The following CFAP299 variants were observed in gnomAD, a reference collection of about 807,000 sequenced individuals.
CFAP299 encodes the protein cilia and flagella associated protein 299.
Under a neutral mutation model 27.0 loss-of-function variants are expected in CFAP299, and 21 were observed. That is an observed-to-expected ratio of 0.78 (90% CI 0.55 to 1.12). The LOEUF (loss-of-function observed/expected upper bound fraction) is 1.12. Among genes scored for constraint, CFAP299 ranks in the 50% most tolerant of loss-of-function variants. The probability of loss-of-function intolerance (pLI) is 0.00; values close to 1 mark genes in which losing one functional copy is unlikely to be tolerated. For synonymous variants in CFAP299, 104 were observed against 98.1 expected, an observed-to-expected ratio of 1.06 and a Z score of -0.36; for missense variants, 310 against 276.6, an observed-to-expected ratio of 1.12 and a Z score of -0.86.
chr4:80,826,056 G>C (rs1285448316), intron 3 of CFAP299, among the ~76,000 whole-genome samples: 2 of 151,824 alleles, frequency 1.3e-5, no homozygotes, highest in Non-Finnish European at 2.9e-5. Context: ...CATGTATAAA[G>C]GTGTAATGTT....
At chr4:80,533,443 C>G (rs968762393) in intron 2 of CFAP299, among the ~76,000 whole-genome samples, 1 of 152,162 alleles carries the variant, frequency 6.6e-6, no homozygotes, top group Non-Finnish European at 1.5e-5. Context: ...TTTGACTCCT[C>G]TAGCTAGAAA....
At chr4:80,672,135 TG>T (rs1443484796) in intron 3 of CFAP299, among the ~76,000 whole-genome samples, 1 of 152,204 alleles carries the variant, frequency 6.6e-6, no homozygotes, top group Non-Finnish European at 1.5e-5. Flanking sequence ...ATATTGGCTG[TG>T]GGTCTCTCAT....
chr4:80,705,901 G>A (rs1721791422), intron 3 of CFAP299, among the ~76,000 whole-genome samples: 1 of 151,760 alleles, frequency 6.6e-6, no homozygotes. Context: ...CACTATGATT[G>A]TTAACAGTAA....
intron 2 of CFAP299, chr4:80,386,733 G>A: frequency 2.6e-6 from 4 of 1,544,824 alleles, no homozygotes; most frequent in Non-Finnish European, 3.6e-6. Flanking sequence ...ATGCCGGAGT[G>A]GGAGAGGACA....
chr4:80,627,359 G>T (rs1738964073), intron 3 of CFAP299, among the ~76,000 whole-genome samples: 1 of 151,924 alleles, frequency 6.6e-6, no homozygotes, highest in Non-Finnish European at 1.5e-5. Flanking sequence ...CACAATTGAA[G>T]CTATATATGA....
chr4:80,889,093 G>A (rs1734117447), intron 4 of CFAP299, among the ~76,000 whole-genome samples: 2 of 145,792 alleles, frequency 1.4e-5, no homozygotes, highest in South Asian at 4.3e-4. Context: ...AAGAACAAGA[G>A]CAAACAAAAC....
At chr4:80,341,763 T>C (rs1722469206) in intron 1 of CFAP299, among the ~76,000 whole-genome samples, 1 of 152,206 alleles carries the variant, frequency 6.6e-6, no homozygotes, top group African/African-American at 2.4e-5. Context: ...AGTGCCTTCT[T>C]TTCCTCCAAA....
intron 3 of CFAP299, among the ~76,000 whole-genome samples, chr4:80,686,133 A>G (rs903902184): frequency 6.6e-6 from 1 of 152,186 alleles, no homozygotes; most frequent in African/African-American, 2.4e-5. Context: ...CTTTAATGAA[A>G]AAAAAAAATT....
At chr4:80,958,330 C>T (rs1020697338) in intron 5 of CFAP299, among the ~76,000 whole-genome samples, 1 of 152,120 alleles carries the variant, frequency 6.6e-6, no homozygotes, top group Non-Finnish European at 1.5e-5. Context: ...TGTTTTCAAA[C>T]ATGACATTAC....
intron 1 of CFAP299, among the ~76,000 whole-genome samples, chr4:80,349,319 A>T (rs1464881658): frequency 2.6e-5 from 4 of 152,228 alleles, no homozygotes; most frequent in African/African-American, 9.6e-5. Context: ...AAGTAAAATT[A>T]TGGGAAATGA....
chr4:80,429,638 A>G (rs1255033268), intron 2 of CFAP299, among the ~76,000 whole-genome samples: 1 of 152,166 alleles, frequency 6.6e-6, no homozygotes, highest in Non-Finnish European at 1.5e-5. Flanking sequence ...ATTTGATATT[A>G]AGAACATGAG....
chr4:80,369,380 C>T (rs1416297230), intron 2 of CFAP299, among the ~76,000 whole-genome samples: 1 of 152,160 alleles, frequency 6.6e-6, no homozygotes, highest in Non-Finnish European at 1.5e-5. Context: ...TCTTCCTCTT[C>T]CACTATCCAT....
chr4:80,888,913 T>C (rs1734103431), intron 4 of CFAP299, among the ~76,000 whole-genome samples: 1 of 150,530 alleles, frequency 6.6e-6, no homozygotes, highest in African/African-American at 2.4e-5. Context: ...TTGAAAATTT[T>C]CTTGAAACAA....
intron 3 of CFAP299, among the ~76,000 whole-genome samples, chr4:80,666,777 A>G (rs941768216): frequency 1.3e-5 from 2 of 152,224 alleles, no homozygotes; most frequent in Non-Finnish European, 2.9e-5. Context: ...TAGGGAAAAA[A>G]GCAGTAGTCA....
At chr4:80,709,152 T>C (rs984980197) in intron 3 of CFAP299, among the ~76,000 whole-genome samples, 1 of 152,208 alleles carries the variant, frequency 6.6e-6, no homozygotes, top group African/African-American at 2.4e-5. Flanking sequence ...CCTTTTATGA[T>C]AAGGTTTTAG....
At chr4:80,810,791 G>A (rs538674727) in intron 3 of CFAP299, among the ~76,000 whole-genome samples, 73 of 152,158 alleles carry the variant, frequency 4.8e-4, no homozygotes, top group Non-Finnish European at 9.4e-4. Context: ...CTCAGGAAAC[G>A]AATATGTGAG....
intron 2 of CFAP299, among the ~76,000 whole-genome samples, chr4:80,488,611 C>T (rs60770229): frequency 6.6e-6 from 1 of 151,924 alleles, no homozygotes; most frequent in South Asian, 2.1e-4. Context: ...GTAGCTGGGA[C>T]TAAAGGCACC....
intron 2 of CFAP299, among the ~76,000 whole-genome samples, chr4:80,455,225 T>A (rs1017893491): frequency 2.6e-5 from 4 of 152,186 alleles, no homozygotes; most frequent in Non-Finnish European, 4.4e-5. Flanking sequence ...AGGGCTCTTA[T>A]CATTTTTGTT....
chr4:80,683,407 T>G (rs1184019366), intron 3 of CFAP299, among the ~76,000 whole-genome samples: 1 of 152,234 alleles, frequency 6.6e-6, no homozygotes, highest in African/African-American at 2.4e-5. Context: ...TTATTTAATC[T>G]AATATTTTCT....
Sources: allele counts gnomAD v4.1 joint callset (sites outside exome capture counted in the v4.1 genomes callset), GRCh38; gene constraint gnomAD v4.1.1; transcripts MANE v1.5; gene names NCBI Gene and HGNC (gene_info 2026-07-23, HGNC 2026-07-21).